XPNPEP1: variants seen among roughly 807,000 people sequenced by gnomAD.
XPNPEP1 encodes X-prolyl aminopeptidase 1.
A neutral mutation model predicts 92.4 loss-of-function variants in XPNPEP1; 39 were observed. The observed-to-expected ratio is 0.42, with a 90% confidence interval of 0.33 to 0.55. The LOEUF (loss-of-function observed/expected upper bound fraction) is 0.55. XPNPEP1 is among the 20% of genes least tolerant of loss of function. The pLI, the probability that XPNPEP1 is intolerant of heterozygous loss-of-function variation, is 0.08. For synonymous variants in XPNPEP1, 307 were observed against 299.4 expected, an observed-to-expected ratio of 1.03 and a Z score of -0.26; for missense variants, 654 against 856.1, an observed-to-expected ratio of 0.76 and a Z score of 2.95.
intron 7 of XPNPEP1, among the ~76,000 whole-genome samples, chr10:109,887,368 G>A (rs747341600): frequency 1.3e-4 from 20 of 152,254 alleles, no homozygotes; most frequent in East Asian, 7.7e-4. Context: ...AGATCAGTTC[G>A]GGAATGCTGT....
intron 14 of XPNPEP1, chr10:109,877,327 G>A (rs1305236377): frequency 2.6e-5 from 4 of 155,864 alleles, no homozygotes; most frequent in Non-Finnish European, 5.7e-5. Context: ...TTAGCCAGGA[G>A]TGGTAGCACA....
At chr10:109,906,796 TC>T (rs1849583196) in intron 3 of XPNPEP1, among the ~76,000 whole-genome samples, 1 of 152,032 alleles carries the variant, frequency 6.6e-6, no homozygotes, top group Non-Finnish European at 1.5e-5. Flanking sequence ...AGAACCTCTT[TC>T]CTCCTCCTCC....
chr10:109,883,393 T>G (rs1848214688), intron 9 of XPNPEP1, among the ~76,000 whole-genome samples: 2 of 152,128 alleles, frequency 1.3e-5, no homozygotes, highest in South Asian at 4.1e-4. Context: ...CCCAAGAGTC[T>G]GCTCTGATCT....
chr10:109,887,919 G>A, intron 7 of XPNPEP1, 130 bp downstream of exon 7: 3 of 1,301,334 alleles, frequency 2.3e-6, no homozygotes, highest in South Asian at 1.7e-5. Flanking sequence ...TATCCCACTG[G>A]GGCAGAGTAG....
chr10:109,866,944 G>A (rs1242010596), intron 20 of XPNPEP1, among the ~76,000 whole-genome samples: 4 of 152,212 alleles, frequency 2.6e-5, no homozygotes, highest in African/African-American at 7.2e-5. Flanking sequence ...TCTCCTTCGA[G>A]GAAAAATGGC....
chr10:109,893,422 G>T (rs1246391455), intron 3 of XPNPEP1: 43 of 192,232 alleles, frequency 2.2e-4, no homozygotes, highest in Non-Finnish European at 1.6e-4. Flanking sequence ...TGACATTTAG[G>T]CATCTGTTAT....
At chr10:109,870,067 A>T (rs763334995) in intron 18 of XPNPEP1, 38 bp from the exon 19 acceptor site, 164 of 1,607,808 alleles carry the variant, frequency 1.0e-4, no homozygotes, top group Non-Finnish European at 1.3e-4. Context: ...GAAGCAGCCC[A>T]CGATGAAGAT....
intron 4 of XPNPEP1, among the ~76,000 whole-genome samples, chr10:109,892,067 C>A (rs997696180): frequency 1.3e-5 from 2 of 152,120 alleles, no homozygotes; most frequent in African/African-American, 4.8e-5. Flanking sequence ...GGTCCCTGCA[C>A]AAAAAGGACT....
chr10:109,866,020 T>C (rs1381368217), intron 20 of XPNPEP1, among the ~76,000 whole-genome samples: 5 of 152,100 alleles, frequency 3.3e-5, no homozygotes, highest in Admixed American at 6.5e-5. Flanking sequence ...CTCTCCTCCT[T>C]GGTTGTATAC....
At chr10:109,900,050 T>G (rs1849198453) in intron 3 of XPNPEP1, among the ~76,000 whole-genome samples, 1 of 152,212 alleles carries the variant, frequency 6.6e-6, no homozygotes, top group Non-Finnish European at 1.5e-5. Flanking sequence ...ACCCTTGCTC[T>G]GAGTTTAAAA....
rs1457436602 is a variant in XPNPEP1, at chr10:109,867,814, C to T, written c.1872+800G>A. 1.3e-5 allele frequency among the ~76,000 whole-genome samples: 2 copies of T among 152,242 alleles called. No homozygotes were observed. Among genetic ancestry groups the T allele is most frequent in the Non-Finnish European group, 2.9e-5 (2 of 68,048 alleles). ...TTTCATTGGAACTTCTGACCCCTGCCTTGCTCTGGAATTTGTGTCCTCCTG... is the reference window on the plus strand; with the variant it reads ...TTTCATTGGAACTTCTGACCCCTGCTTTGCTCTGGAATTTGTGTCCTCCTG... On this transcript the variant is annotated intron_variant, in intron 20 of 20. Transcript: ENST00000502935. This position sits in a 1 kb window ranked among gnomAD's most constrained non-coding sequence, Gnocchi z 4.5.
intron 1 of XPNPEP1, among the ~76,000 whole-genome samples, chr10:109,915,697 G>C (rs1427756333): frequency 6.6e-6 from 1 of 152,082 alleles, no homozygotes; most frequent in Non-Finnish European, 1.5e-5. Context: ...GTTATTGTTT[G>C]CTTCTAAGAC....
At chr10:109,873,818 C>T (rs1284780930) in intron 15 of XPNPEP1, among the ~76,000 whole-genome samples, 1 of 152,192 alleles carries the variant, frequency 6.6e-6, no homozygotes, top group Non-Finnish European at 1.5e-5. Flanking sequence ...AAATGGAATA[C>T]TGATACATGC....
At chr10:109,880,120 G>T in intron 12 of XPNPEP1, 68 bp downstream of exon 12, 1 of 1,502,004 alleles carries the variant, frequency 6.7e-7, no homozygotes, top group Non-Finnish European at 9.3e-7. Flanking sequence ...AGATGCTAGA[G>T]TTAGAATCAC....
intron 1 of XPNPEP1, among the ~76,000 whole-genome samples, chr10:109,921,745 G>T (rs1850554506): frequency 1.3e-5 from 2 of 152,184 alleles, no homozygotes; most frequent in Admixed American, 6.5e-5. Flanking sequence ...CAGCCCAAGG[G>T]GTTCAAAGCA....
chr10:109,918,893 AAGGAAGGAAGGAAGGAAGG>A, intron 1 of XPNPEP1, among the ~76,000 whole-genome samples: 1 of 145,458 alleles, frequency 6.9e-6, no homozygotes, highest in Admixed American at 6.9e-5. Flanking sequence ...GGAAGGAAGG[AAGGAAGGAAGGAAGGAAGG>A]AAGGAGAGAG....
chr10:109,873,321 T>C (rs1453176901), intron 16 of XPNPEP1, 46 bp downstream of exon 16: 1 of 1,608,840 alleles, frequency 6.2e-7, no homozygotes, highest in Admixed American at 1.7e-5. Context: ...AATGCTCTTC[T>C]TAAGAAAGCA....
At chr10:109,894,920 T>C (rs1049481456) in intron 3 of XPNPEP1, among the ~76,000 whole-genome samples, 2 of 152,212 alleles carry the variant, frequency 1.3e-5, no homozygotes, top group Admixed American at 6.5e-5. Flanking sequence ...AACCGAGTAA[T>C]TACTGTGTGC....
intron 7 of XPNPEP1, among the ~76,000 whole-genome samples, chr10:109,887,585 A>G (rs1848461608): frequency 6.6e-6 from 1 of 152,118 alleles, no homozygotes; most frequent in Non-Finnish European, 1.5e-5. Flanking sequence ...CTGCTTACCC[A>G]TCACTATCGC....
Sources: allele counts gnomAD v4.1 joint callset (sites outside exome capture counted in the v4.1 genomes callset), GRCh38; gene constraint gnomAD v4.1.1; non-coding constraint Gnocchi (gnomAD v3.1); transcripts MANE v1.5; gene names NCBI Gene and HGNC (gene_info 2026-07-23, HGNC 2026-07-21).